The following KIF14 variants were observed in gnomAD, a reference collection of about 807,000 sequenced individuals.
KIF14 encodes the protein kinesin-like protein KIF14.
KIF14 carries 98 observed loss-of-function variants against 176.2 expected under a neutral mutation model. The observed-to-expected ratio is 0.56, with a 90% CI of 0.47 to 0.66. The LOEUF (loss-of-function observed/expected upper bound fraction) is 0.66. Among genes scored for constraint, KIF14 ranks in the 30% least tolerant of loss-of-function variants. The pLI, the probability that KIF14 is intolerant of heterozygous loss-of-function variation, is 0.00. For missense variants in KIF14, 1,751 were observed against 1,920.4 expected (o/e 0.91, Z 1.65); for synonymous variants, 566 against 632.2 (o/e 0.90, Z 1.57).
At chr1:200,569,548 C>A (rs1382967367) in intron 23 of KIF14, among the ~76,000 whole-genome samples, 1 of 151,946 alleles carries the variant, frequency 6.6e-6, no homozygotes, top group African/African-American at 2.4e-5. Context: ...AGATCTTATT[C>A]ATTTACAAGC....
chr1:200,560,721 C>A lies in KIF14; in HGVS notation c.4230+1G>T. On this transcript the variant is annotated splice_donor_variant, in intron 26 of 29. Coordinates refer to ENST00000367350, the MANE Select transcript of KIF14 (RefSeq NM_014875.3). LOFTEE classifies it high-confidence loss of function. The stretch of plus-strand genomic sequence containing the variant: ...TGTCTGAACTAACATTGCTAAATTA[C>A]CTGGACACTGGCAGCTTTATTGTTA... 6.2e-7 allele frequency: 1 copy of A among 1,614,144 alleles called. No individual in the cohort carries two copies. Among genetic ancestry groups the A allele is most frequent in the Non-Finnish European group, 8.5e-7 (1 of 1,180,014 alleles).
At chr1:200,564,381 T>C (rs1657329136) in intron 25 of KIF14, among the ~76,000 whole-genome samples, 1 of 152,070 alleles carries the variant, frequency 6.6e-6, no homozygotes, top group African/African-American at 2.4e-5. Flanking sequence ...GGCTACACTT[T>C]GGGCATGGCG....
At chr1:200,603,112 CATA>C in intron 10 of KIF14, 111 bp downstream of exon 10, 1 of 577,416 alleles carries the variant, frequency 1.7e-6, no homozygotes, top group Non-Finnish European at 2.9e-6. Context: ...CTCTAGAATT[CATA>C]ATGCTTACCA....
chr1:200,565,315 G>T, intron 24 of KIF14, 62 bp from the exon 25 acceptor site: 4 of 1,483,590 alleles, frequency 2.7e-6, no homozygotes, highest in Non-Finnish European at 3.7e-6. Flanking sequence ...ACTCATATAT[G>T]ATCATCATTA....
intron 5 of KIF14, among the ~76,000 whole-genome samples, chr1:200,607,557 TTTA>T (rs1331608251): frequency 1.3e-5 from 2 of 152,164 alleles, no homozygotes; most frequent in Non-Finnish European, 2.9e-5. Flanking sequence ...AAAATTTTTC[TTTA>T]TTGTTACATT....
At chr1:200,589,393 TATCTC>T (rs1431348193) in intron 17 of KIF14, 24 bp from the exon 18 acceptor site, 17 of 1,570,600 alleles carry the variant, frequency 1.1e-5, no homozygotes, top group Admixed American at 1.9e-5. Flanking sequence ...TAATAAAAAA[TATCTC>T]AGGCAAAAAC....
chr1:200,561,986 G>A (rs1490839108), intron 25 of KIF14, among the ~76,000 whole-genome samples: 1 of 152,110 alleles, frequency 6.6e-6, no homozygotes, highest in Non-Finnish European at 1.5e-5. Flanking sequence ...TGCACTCAGA[G>A]TACACATATA....
chr1:200,562,175 T>C (rs1204582651), intron 25 of KIF14, among the ~76,000 whole-genome samples: 2 of 152,220 alleles, frequency 1.3e-5, no homozygotes, highest in Non-Finnish European at 2.9e-5. Flanking sequence ...TCAGGTTTGC[T>C]AGCTTAACAC....
chr1:200,585,480 T>C (rs1658687566), intron 19 of KIF14, among the ~76,000 whole-genome samples: 1 of 152,108 alleles, frequency 6.6e-6, no homozygotes, highest in Non-Finnish European at 1.5e-5. Flanking sequence ...AAAACAAAGA[T>C]TAAGAATTAG....
intron 16 of KIF14, among the ~76,000 whole-genome samples, chr1:200,591,725 C>T (rs6427835): frequency 0.79 from 120,820 of 152,100 alleles, 48,333 homozygotes; most frequent in African/African-American, 0.89. Context: ...CCCTGATAAC[C>T]GGTCAGGGCC....
rs557527771 is a variant in KIF14, at chr1:200,576,319, A to C, written c.3466-628T>G. Among the ~76,000 whole-genome samples the C allele has an allele frequency of 3.1e-4, 47 of 152,150 alleles. No individual in the cohort carries two copies. The East Asian group carries it at 9.1e-3, about 29-fold the overall frequency. On this transcript the variant is annotated intron_variant, in intron 21 of 29. Transcript: ENST00000367350. ...CGGTGAAACCCCGTCTCTACTAAAA[A>C]TACAAAAAATTAGCCGGGCGTGGTA...
intron 13 of KIF14, 134 bp from the exon 14 acceptor site, chr1:200,598,555 ATTT>A: frequency 1.8e-6 from 1 of 567,038 alleles, no homozygotes; most frequent in Non-Finnish European, 2.8e-6. Context: ...TTATTTATTT[ATTT>A]TTTTATTTTT....
In KIF14 at chr1:200,590,148, T is replaced by C; in HGVS notation, c.2938A>G (p.Ile980Val). ...ACCAGTTCTGCTTCCAGTGCTTTTA[T>C]TTTGCTTTCATATGCAGCTTTTTGA... is the stretch of plus-strand genomic sequence containing the variant. ...SSQKAAYESK[I>V]KALEAELREE... The change falls in exon 17 of 30, where the codon ATA (isoleucine) becomes GTA (valine). Residue 980 changes from isoleucine (I) to valine (V), a missense_variant. By Grantham distance (29) the Ile-to-Val change is conservative (BLOSUM62 3). Transcript: ENST00000367350. 1 of 1,609,404 alleles carries C rather than the reference T, an allele frequency of 6.2e-7. No individual in the cohort carries two copies.
chr1:200,618,608 T>C lies in KIF14; in HGVS notation c.116A>G (p.His39Arg). Residue 39 changes from histidine to arginine, a missense_variant, in exon 2 of 30, where the codon CAT becomes CGT. Coordinates refer to ENST00000367350, the MANE Select transcript of KIF14 (RefSeq NM_014875.3). ...ALTHSSRLKL[H>R]LKSDMSECEN... ...ACATTCTGACATATCCGACTTCAAA[T>C]GCAGCTTAAGTCGGCTACTGTGGGT... 1 of 1,614,178 alleles carries C rather than the reference T, an allele frequency of 6.2e-7. No homozygotes were observed. Among genetic ancestry groups the C allele is most frequent in the South Asian group, 1.1e-5 (1 of 91,090 alleles).
At chr1:200,576,663 CAA>C (rs1421904537) in intron 21 of KIF14, among the ~76,000 whole-genome samples, 4 of 152,014 alleles carry the variant, frequency 2.6e-5, no homozygotes, top group Non-Finnish European at 5.9e-5. Context: ...TAAACACAAA[CAA>C]AAAAGTTAAA....
At chr1:200,601,174 T>C (rs748103575) in intron 11 of KIF14, among the ~76,000 whole-genome samples, 1 of 152,146 alleles carries the variant, frequency 6.6e-6, no homozygotes, top group Non-Finnish European at 1.5e-5. Flanking sequence ...TGAGCCACCA[T>C]GCCCGGCCCA....
At chr1:200,599,686 C>T (rs921861163) in intron 13 of KIF14, among the ~76,000 whole-genome samples, 2 of 152,190 alleles carry the variant, frequency 1.3e-5, no homozygotes, top group African/African-American at 4.8e-5. Flanking sequence ...CTTCTATTTA[C>T]GTTTTGTAAA....
At chr1:200,603,739 G>A in intron 9 of KIF14, 100 bp downstream of exon 9, 1 of 716,046 alleles carries the variant, frequency 1.4e-6, no homozygotes, top group Non-Finnish European at 2.5e-6. Flanking sequence ...TGCAGATAAA[G>A]ATATATTTGG....
At chr1:200,589,141 C>G in intron 18 of KIF14, 76 bp downstream of exon 18, 1 of 1,227,740 alleles carries the variant, frequency 8.1e-7, no homozygotes. Flanking sequence ...TGTCAACATA[C>G]CATAAGCCAC....
Sources: allele counts gnomAD v4.1 joint callset (sites outside exome capture counted in the v4.1 genomes callset), GRCh38; gene constraint gnomAD v4.1.1; transcripts MANE v1.5; gene names NCBI Gene and HGNC (gene_info 2026-07-23, HGNC 2026-07-21).